PPARD: variants seen among roughly 807,000 people sequenced by gnomAD.
The protein encoded by PPARD is peroxisome proliferator-activated receptor delta.
In PPARD, 6 loss-of-function variants were observed where a neutral mutation model predicts 39.5. That is an observed-to-expected ratio of 0.15 (90% CI 0.08 to 0.30). PPARD has a LOEUF of 0.30. Among genes scored for constraint, PPARD ranks in the 10% least tolerant of loss-of-function variants. The pLI is 1.00. For missense variants in PPARD, 397 were observed against 596.8 expected (o/e 0.67, Z 3.49); for synonymous variants, 210 against 231.3 (o/e 0.91, Z 0.83).
chr6:35,425,763 C>T lies in PPARD; in HGVS notation c.1079-69C>T, dbSNP rs1345917921. On this transcript the variant is annotated intron_variant, in intron 7 of 7. Transcript: ENST00000360694. The surrounding 1 kb of genome is among the most constrained non-coding windows in gnomAD (Gnocchi z 4.5). ...CCTGCCGTCCCCTGGGCCAAGTCAC[C>T]TCTTGGGGTGGAAGTAGGGGAGCTC... 3.2e-6 allele frequency: 5 copies of T among 1,582,340 alleles called. No homozygotes were observed. Among genetic ancestry groups the T allele is most frequent in the Admixed American group, 3.4e-5 (2 of 58,890 alleles).
rs193025851 is a variant in PPARD at position 35,405,528 on chromosome 6, C to T, written c.-101-5459C>T. Among the ~76,000 whole-genome samples the T allele has an allele frequency of 1.8e-3, 268 of 148,632 alleles. 1 individual carries two copies. Among genetic ancestry groups the T allele is most frequent in the African/African-American group, 6.2e-3 (248 of 40,212 alleles). The stretch of plus-strand genomic sequence containing the variant: ...TTCTGGCTCTGGCATAGTGCTGGGG[C>T]GTGGAGAGGGGAGATAGCCAACACT... On this transcript the variant is annotated intron_variant, in intron 2 of 7. Transcript: ENST00000360694.
In PPARD at chr6:35,424,354, C is replaced by T; in HGVS notation, c.653C>T (p.Thr218Ile). ...TAPFVIHDIE[T>I]LWQAEKGLVW... ...CCCTTTGTGATCCACGACATCGAGA[C>T]ATTGTGGCAGGCAGAGAAGGGGCTG... The change falls in exon 7 of 8, where the codon ACA (threonine) becomes ATA (isoleucine). Residue 218 changes from threonine (T) to isoleucine (I), a missense_variant. Coordinates refer to ENST00000360694, the MANE Select transcript of PPARD (RefSeq NM_006238.5). This position sits in a 1 kb window ranked among gnomAD's most constrained non-coding sequence, Gnocchi z 7.1. The T allele has an allele frequency of 6.2e-7, 1 of 1,612,498 alleles. No homozygotes were observed. Among genetic ancestry groups the T allele is most frequent in the South Asian group, 1.1e-5 (1 of 91,074 alleles).
intron 2 of PPARD, among the ~76,000 whole-genome samples, chr6:35,355,411 G>A (rs969845931): frequency 9.2e-5 from 14 of 151,642 alleles, no homozygotes; most frequent in African/African-American, 3.4e-4. Flanking sequence ...AATTATCCAG[G>A]CGTGGTGGTA....
At chr6:35,355,900 G>T (rs192683998) in intron 2 of PPARD, among the ~76,000 whole-genome samples, 1 of 151,566 alleles carries the variant, frequency 6.6e-6, no homozygotes, top group African/African-American at 2.4e-5. Context: ...CATGAGCCAC[G>T]ATGCCCGACC....
rs199590931 is a variant in PPARD, at chr6:35,420,291, G to T, written c.285+10G>T. 113 of 1,531,164 alleles carry T rather than the reference G, an allele frequency of 7.4e-5. 1 individual carries two copies. The South Asian group carries it at 8.2e-4, about 11-fold the overall frequency. 94.8% of individuals were successfully genotyped at this position (1,531,164 alleles called of 1,614,324 possible). A position where few individuals can be genotyped will look rare whatever the true frequency, so the allele number is the denominator to read the frequency against. On this transcript the variant is annotated intron_variant, in intron 4 of 7. Coordinates refer to ENST00000360694, the MANE Select transcript of PPARD (RefSeq NM_006238.5). ...ATGTGAGGGGTGCAAGGTACGGACT[G>T]GGGGGAGCGGTGGCTGGCCACTGAG...
rs764684743 is a variant in PPARD, at chr6:35,421,859, G to A, written c.325G>A (p.Glu109Lys). The A allele has an allele frequency of 1.2e-6, 2 of 1,614,018 alleles. No homozygotes were observed. The highest frequency in any genetic ancestry group is 2.2e-5 in the East Asian group (1 of 44,874). Residue 109 changes from glutamate (E) to lysine (K), a missense_variant, in exon 5 of 8, where the codon GAG becomes AAG. Glu to Lys is a moderately conservative substitution (Grantham distance 56, BLOSUM62 1). Coordinates refer to ENST00000360694, the MANE Select transcript of PPARD (RefSeq NM_006238.5). ...TACGATCCGCATGAAGCTGGAGTAC[G>A]AGAAGTGTGAGCGCAGCTGCAAGAT... The part of the protein sequence containing the change: ...RRTIRMKLEY[E>K]KCERSCKIQK...
chr6:35,401,073 T>A lies in PPARD; in HGVS notation c.-101-9914T>A, dbSNP rs932758471. On this transcript the variant is annotated intron_variant, in intron 2 of 7. Transcript: ENST00000360694. This position sits in a 1 kb window ranked among gnomAD's most constrained non-coding sequence, Gnocchi z 4.1. ...GTCGGGAATCACTGAGACCAGGACCTCTGGGAGGCTGAACCCTGGGAGGGC... is the reference window on the plus strand; with the variant it reads ...GTCGGGAATCACTGAGACCAGGACCACTGGGAGGCTGAACCCTGGGAGGGC... Among the ~76,000 whole-genome samples, 2 of 152,146 alleles carry A rather than the reference T, an allele frequency of 1.3e-5. No homozygotes were observed. Among genetic ancestry groups the A allele is most frequent in the African/African-American group, 2.4e-5 (1 of 41,426 alleles).
chr6:35,419,376 A>T (rs1306273100), intron 3 of PPARD, among the ~76,000 whole-genome samples: 1 of 152,180 alleles, frequency 6.6e-6, no homozygotes, highest in Non-Finnish European at 1.5e-5. Flanking sequence ...TTATGAAATC[A>T]TCTGACAGCA....
chr6:35,380,039 G>A (rs993287545), intron 2 of PPARD, among the ~76,000 whole-genome samples: 3 of 152,340 alleles, frequency 2.0e-5, no homozygotes, highest in Admixed American at 6.5e-5. Context: ...TTCTAGGAGA[G>A]TGTATCTCAA....
chr6:35,417,395 C>T (rs556022575), intron 3 of PPARD, among the ~76,000 whole-genome samples: 21 of 152,180 alleles, frequency 1.4e-4, no homozygotes, highest in African/African-American at 5.1e-4. Context: ...CAAGGATTTT[C>T]CTGCCTCAGC....
At chr6:35,400,463 A>G (rs1381982759) in intron 2 of PPARD, among the ~76,000 whole-genome samples, 2 of 152,214 alleles carry the variant, frequency 1.3e-5, no homozygotes, top group Non-Finnish European at 2.9e-5. Context: ...CAACTGAGCT[A>G]GCCAGGTGCC....
intron 2 of PPARD, among the ~76,000 whole-genome samples, chr6:35,369,141 A>G (rs943223730): frequency 4.6e-5 from 7 of 152,362 alleles, no homozygotes; most frequent in Admixed American, 3.9e-4. Context: ...AAAGATAAAT[A>G]TAAGGAAGAC....
chr6:35,404,666 T>C (rs995085335), intron 2 of PPARD, among the ~76,000 whole-genome samples: 1 of 152,114 alleles, frequency 6.6e-6, no homozygotes, highest in Admixed American at 6.5e-5. Flanking sequence ...AGTGAGCCCC[T>C]CCCTACTCCT....
chr6:35,355,582 C>T (rs916363951), intron 2 of PPARD, among the ~76,000 whole-genome samples: 6 of 66,674 alleles, frequency 9.0e-5, no homozygotes, highest in East Asian at 5.0e-4. Flanking sequence ...AAAAAAAGTG[C>T]TTTCTTCTTC....
chr6:35,426,320 A>C lies in PPARD; in HGVS notation c.*241A>C. 1 of 568,880 alleles carries C rather than the reference A, an allele frequency of 1.8e-6. No individual in the cohort carries two copies. The highest frequency in any genetic ancestry group is 2.2e-5 in the South Asian group (1 of 45,356). 35.2% of individuals were successfully genotyped at this position (568,880 alleles called of 1,614,324 possible). A position where few individuals can be genotyped will look rare whatever the true frequency, so the allele number is the denominator to read the frequency against. ...CTTTCTCAGTTCCTCTTTCTTTTCT[A>C]ATTCCTGTTGCTCTGTTTCTTCCTT... On this transcript the variant is annotated 3_prime_UTR_variant, in exon 8 of 8. Transcript: ENST00000360694.
At chr6:35,386,426 G>A (rs1247517846) in intron 2 of PPARD, among the ~76,000 whole-genome samples, 1 of 151,346 alleles carries the variant, frequency 6.6e-6, no homozygotes, top group African/African-American at 2.4e-5. Flanking sequence ...AGGAGGTTGA[G>A]GCTGCAGTGA....
rs1008091251 is a variant in PPARD at position 35,366,642 on chromosome 6, C to T, written c.-102+19492C>T. ...TCGGCTCACTGCAACCTCTGCCTCCCGGGTTCAAGCAATTCTAGTGCCTCA... is the reference window on the plus strand; with the variant it reads ...TCGGCTCACTGCAACCTCTGCCTCCTGGGTTCAAGCAATTCTAGTGCCTCA... On this transcript the variant is annotated intron_variant, in intron 2 of 7. Coordinates refer to ENST00000360694, the MANE Select transcript of PPARD (RefSeq NM_006238.5). The surrounding 1 kb of genome is among the most constrained non-coding windows in gnomAD (Gnocchi z 4.6). 2.0e-5 allele frequency among the ~76,000 whole-genome samples: 3 copies of T among 151,892 alleles called. No homozygotes were observed. The highest frequency in any genetic ancestry group is 2.9e-5 in the Non-Finnish European group (2 of 67,986).
At chr6:35,354,596 G>A (rs541255990) in intron 2 of PPARD, among the ~76,000 whole-genome samples, 4 of 151,974 alleles carry the variant, frequency 2.6e-5, no homozygotes, top group Admixed American at 1.3e-4. Flanking sequence ...ACCGTGCCCC[G>A]GTTCTCATAC....
At chr6:35,402,113 G>A (rs903999995) in intron 2 of PPARD, among the ~76,000 whole-genome samples, 3 of 152,092 alleles carry the variant, frequency 2.0e-5, no homozygotes, top group East Asian at 1.9e-4. Context: ...CCCTTCCCCC[G>A]ACCAACCCCA....
Sources: allele counts gnomAD v4.1 joint callset (sites outside exome capture counted in the v4.1 genomes callset), GRCh38; gene constraint gnomAD v4.1.1; non-coding constraint Gnocchi (gnomAD v3.1); transcripts MANE v1.5; gene names NCBI Gene and HGNC (gene_info 2026-07-23, HGNC 2026-07-21).